HACE1: variants seen among roughly 807,000 people sequenced by gnomAD.
HACE1 encodes the protein E3 ubiquitin-protein ligase HACE1.
HACE1 carries 73 observed loss-of-function variants against 118.4 expected under a neutral mutation model. That is an observed-to-expected ratio of 0.62 (90% CI 0.51 to 0.75). The LOEUF (loss-of-function observed/expected upper bound fraction) is 0.75. Ranked by LOEUF, HACE1 falls within the 30% of genes least tolerant of loss-of-function variation. The pLI is 0.00. For missense variants in HACE1, 749 were observed against 1,102.2 expected (o/e 0.68, Z 4.54); for synonymous variants, 368 against 374.8 (o/e 0.98, Z 0.21).
rs1478168131 is a variant in HACE1, at chr6:104,833,093, A to T, written c.483T>A (p.Asp161Glu). Residue 161 changes from aspartate (D) to glutamate (E), a missense_variant, in exon 6 of 24, where the codon GAT becomes GAA. Around this residue, in one of 5 missense-constraint regions of HACE1, gnomAD observed 120 missense variants for 219.1 expected, o/e 0.55. Coordinates refer to ENST00000262903, the MANE Select transcript of HACE1 (RefSeq NM_020771.4). Reference protein sequence around the residue: ...VQHVSDVDVEDAMGQTALHVA... With the variant: ...VQHVSDVDVEEAMGQTALHVA... ...CATGCAGTGCTGTCTGCCCCATGGC[A>T]TCCTCAACATCAACATCACTGACAT... 1 of 1,613,116 alleles carries T rather than the reference A, an allele frequency of 6.2e-7. No individual in the cohort carries two copies. The highest frequency in any genetic ancestry group is 8.5e-7 in the Non-Finnish European group (1 of 1,179,156).
chr6:104,801,241 T>C (rs1436764361), intron 7 of HACE1, among the ~76,000 whole-genome samples: 1 of 152,156 alleles, frequency 6.6e-6, no homozygotes, highest in Non-Finnish European at 1.5e-5. Flanking sequence ...CTATGTTTGA[T>C]TGGTGTACCT....
intron 1 of HACE1, among the ~76,000 whole-genome samples, chr6:104,853,856 T>C (rs1776469942): frequency 1.3e-5 from 2 of 152,138 alleles, no homozygotes; most frequent in South Asian, 2.1e-4. Flanking sequence ...CCTAAAACCA[T>C]GGATAGTACC....
chr6:104,754,802 G>T (rs572650059), intron 19 of HACE1, among the ~76,000 whole-genome samples: 91 of 152,168 alleles, frequency 6.0e-4, no homozygotes, highest in Non-Finnish European at 9.4e-4. Flanking sequence ...AATATGGAAA[G>T]AAAAAATTGT....
chr6:104,782,542 T>G (rs1184553414), intron 14 of HACE1: 1 of 152,182 alleles, frequency 6.6e-6, no homozygotes, highest in Non-Finnish European at 1.5e-5. Flanking sequence ...GACAGACTTT[T>G]AAATTCTGGT....
At chr6:104,788,434 T>C (rs1782666003) in intron 11 of HACE1, among the ~76,000 whole-genome samples, 1 of 152,124 alleles carries the variant, frequency 6.6e-6, no homozygotes, top group Non-Finnish European at 1.5e-5. Context: ...TACTGAACGA[T>C]TTTTTAAAAT....
intron 1 of HACE1, among the ~76,000 whole-genome samples, chr6:104,859,192 T>C (rs983786673): frequency 2.6e-5 from 4 of 152,066 alleles, no homozygotes; most frequent in African/African-American, 9.7e-5. Context: ...CTTTGGATCA[T>C]CTCTATCCCC....
chr6:104,786,629 C>CAA (rs1562368307), intron 11 of HACE1: 2 of 134,822 alleles, frequency 1.5e-5, no homozygotes, highest in African/African-American at 5.7e-5. Flanking sequence ...AACAAACAAA[C>CAA]AAACAAAAAA....
At chr6:104,764,074 C>A (rs567599650) in intron 19 of HACE1, among the ~76,000 whole-genome samples, 15 of 152,086 alleles carry the variant, frequency 9.9e-5, no homozygotes, top group African/African-American at 3.4e-4. Context: ...AAAAGTACTG[C>A]ACACTTTTTA....
intron 20 of HACE1, among the ~76,000 whole-genome samples, chr6:104,748,906 GAC>G (rs1034756808): frequency 9.9e-5 from 15 of 152,248 alleles, no homozygotes; most frequent in African/African-American, 3.4e-4. Context: ...GGAGGGAGAT[GAC>G]AGAGTGACAT....
intron 19 of HACE1, among the ~76,000 whole-genome samples, chr6:104,761,121 G>A (rs1779311010): frequency 2.0e-5 from 3 of 152,022 alleles, no homozygotes; most frequent in African/African-American, 7.3e-5. Flanking sequence ...TGGCCTTACT[G>A]CCCAAAGTCA....
At chr6:104,759,822 A>G (rs1217658100) in intron 19 of HACE1, among the ~76,000 whole-genome samples, 1 of 151,242 alleles carries the variant, frequency 6.6e-6, no homozygotes, top group Admixed American at 6.7e-5. Flanking sequence ...ATAAAGATGA[A>G]AAGAGAGAAG....
intron 6 of HACE1, among the ~76,000 whole-genome samples, chr6:104,827,907 A>G (rs886538545): frequency 4.6e-5 from 7 of 152,104 alleles, no homozygotes; most frequent in Non-Finnish European, 1.0e-4. Flanking sequence ...CTTTGTATTT[A>G]GTTACATAAA....
chr6:104,799,428 C>G (rs1255017374), intron 7 of HACE1, among the ~76,000 whole-genome samples: 2 of 152,208 alleles, frequency 1.3e-5, no homozygotes, highest in African/African-American at 4.8e-5. Flanking sequence ...TCATTACTTA[C>G]AAATTGCTGG....
chr6:104,754,417 C>T (rs1778392330), intron 19 of HACE1, among the ~76,000 whole-genome samples: 1 of 152,140 alleles, frequency 6.6e-6, no homozygotes, highest in Non-Finnish European at 1.5e-5. Context: ...CAGTAATACA[C>T]TCCACAAAAA....
chr6:104,832,636 C>T lies in HACE1; in HGVS notation c.534+406G>A, dbSNP rs370520811. Among the ~76,000 whole-genome samples the T allele has an allele frequency of 3.9e-5, 6 of 152,146 alleles. No individual in the cohort carries two copies. The East Asian group carries it at 7.7e-4, about 20-fold the overall frequency. ...GAACTCCTGAGCTCAAGAGATCCAC[C>T]CATCTCAGCCTCCCAAAGTGCTGGG... On this transcript the variant is annotated intron_variant, in intron 6 of 23. Transcript: ENST00000262903.
chr6:104,810,598 T>A (rs1771494037), intron 7 of HACE1, among the ~76,000 whole-genome samples: 1 of 152,152 alleles, frequency 6.6e-6, no homozygotes, highest in East Asian at 1.9e-4. Context: ...TGTGTGTGGG[T>A]GTGGGTGTGA....
At chr6:104,856,662 T>A (rs966865324) in intron 1 of HACE1, among the ~76,000 whole-genome samples, 1 of 152,182 alleles carries the variant, frequency 6.6e-6, no homozygotes, top group Non-Finnish European at 1.5e-5. Flanking sequence ...CTCACACTCC[T>A]GACCTCAGGT....
chr6:104,776,487 C>T (rs184671115), intron 17 of HACE1, among the ~76,000 whole-genome samples: 1 of 152,282 alleles, frequency 6.6e-6, no homozygotes. Flanking sequence ...AACACTAGTC[C>T]TTGAGACAAG....
chr6:104,759,682 C>T (rs751164465), intron 19 of HACE1, among the ~76,000 whole-genome samples: 2 of 151,934 alleles, frequency 1.3e-5, no homozygotes, highest in African/African-American at 4.8e-5. Flanking sequence ...TAGCAGAATA[C>T]AAGAAATAAC....
Sources: allele counts gnomAD v4.1 joint callset (sites outside exome capture counted in the v4.1 genomes callset), GRCh38; gene constraint gnomAD v4.1.1; regional missense constraint gnomAD v4.1.1; transcripts MANE v1.5; gene names NCBI Gene and HGNC (gene_info 2026-07-23, HGNC 2026-07-21).